The following RSPH14 variants were observed in gnomAD, a reference collection of about 807,000 sequenced individuals.
RSPH14 encodes the protein radial spoke head 14 homolog.
Under a neutral mutation model 26.7 loss-of-function variants are expected in RSPH14, and 20 were observed. The observed-to-expected ratio is 0.75, with a 90% CI of 0.53 to 1.09. The LOEUF (loss-of-function observed/expected upper bound fraction) is 1.09, where lower values mean the gene tolerates loss of function less well. Ranked by LOEUF, RSPH14 falls within the 50% of genes least tolerant of loss-of-function variation. The probability of loss-of-function intolerance (pLI) is 0.00; values close to 1 mark genes in which losing one functional copy is unlikely to be tolerated. For missense variants in RSPH14, 449 were observed against 457.2 expected, an observed-to-expected ratio of 0.98 and a Z score of 0.16; for synonymous variants, 177 against 189.3, an observed-to-expected ratio of 0.93 and a Z score of 0.53.
intron 4 of RSPH14, among the ~76,000 whole-genome samples, chr22:23,106,902 C>T (rs532166496): frequency 6.6e-6 from 1 of 152,318 alleles, no homozygotes; most frequent in East Asian, 1.9e-4. Flanking sequence ...CCACCCTTGC[C>T]ATTACTACGG....
chr22:23,070,440 G>A (rs1196612689), intron 4 of RSPH14: 1 of 148,234 alleles, frequency 6.7e-6, no homozygotes, highest in Non-Finnish European at 1.5e-5. Flanking sequence ...CCGCGGTCCG[G>A]TCACGTCCCC....
upstream of RSPH14, chr22:23,145,865 C>A (rs2070741345): frequency 1.7e-6 from 1 of 576,884 alleles, no homozygotes; most frequent in Non-Finnish European, 2.2e-6. Flanking sequence ...CTCGAGGAGT[C>A]AGAGGCCTGG....
intron 4 of RSPH14, chr22:23,122,386 C>T (rs568114532): frequency 6.5e-6 from 1 of 153,090 alleles, no homozygotes; most frequent in South Asian, 2.1e-4. Flanking sequence ...TCCAGGATGC[C>T]AGGGTCCTGC....
At chr22:23,113,615 T>C (rs2069722752) in intron 4 of RSPH14, among the ~76,000 whole-genome samples, 1 of 152,242 alleles carries the variant, frequency 6.6e-6, no homozygotes, top group Non-Finnish European at 1.5e-5. Context: ...GTGCCTTCCC[T>C]GTTCCACAGC....
intron 4 of RSPH14, among the ~76,000 whole-genome samples, chr22:23,116,143 G>A (rs548608271): frequency 1.3e-5 from 2 of 152,382 alleles, no homozygotes; most frequent in African/African-American, 4.8e-5. Flanking sequence ...GCCTTGCTTC[G>A]TGAAGCTGCC....
At chr22:23,066,572 C>T (rs777098667) in intron 4 of RSPH14, among the ~76,000 whole-genome samples, 2 of 152,102 alleles carry the variant, frequency 1.3e-5, no homozygotes, top group Admixed American at 6.5e-5. Context: ...AAACGCGTGC[C>T]GGGTGTGCCT....
chr22:23,167,359 C>T, the RSPH14 span, among the ~76,000 whole-genome samples: 91 of 152,338 alleles, frequency 6.0e-4, no homozygotes, highest in African/African-American at 2.1e-3. Flanking sequence ...CTGTCCTTCC[C>T]AGCCCAGCAG....
chr22:23,177,557 C>T, the RSPH14 span, among the ~76,000 whole-genome samples: 16 of 152,108 alleles, frequency 1.1e-4, no homozygotes, highest in African/African-American at 3.6e-4. Context: ...ACCCCATGCC[C>T]ATGCCCATGC....
intron 4 of RSPH14, among the ~76,000 whole-genome samples, chr22:23,100,397 G>A (rs1418950585): frequency 6.6e-6 from 1 of 152,266 alleles, no homozygotes; most frequent in Admixed American, 6.5e-5. Flanking sequence ...GAGGCCTGGT[G>A]TCTCTGCCAC....
chr22:23,101,422 C>T (rs1240121728), intron 4 of RSPH14, among the ~76,000 whole-genome samples: 1 of 152,194 alleles, frequency 6.6e-6, no homozygotes, highest in Non-Finnish European at 1.5e-5. Context: ...AGCCTTCCCT[C>T]AGGAGAGTGG....
At chr22:23,137,882 C>T (rs2070510915) in intron 3 of RSPH14, 2 of 160,446 alleles carry the variant, frequency 1.2e-5, no homozygotes, top group Non-Finnish European at 1.4e-5. Flanking sequence ...GTTTCTAATA[C>T]AAAGTAAAAC....
At chr22:23,160,830 G>C in the RSPH14 span, 1 of 1,588,064 alleles carries the variant, frequency 6.3e-7, no homozygotes, top group African/African-American at 1.3e-5. Flanking sequence ...ATGCATTAAG[G>C]GGCAAGGAGA....
At chr22:23,170,080 G>A in the RSPH14 span, among the ~76,000 whole-genome samples, 4 of 128,302 alleles carry the variant, frequency 3.1e-5, no homozygotes, top group Non-Finnish European at 1.6e-5. Flanking sequence ...CTAAGCAACT[G>A]AACAAGACCC....
chr22:23,119,154 G>A (rs932020408), intron 4 of RSPH14, among the ~76,000 whole-genome samples: 24 of 152,198 alleles, frequency 1.6e-4, no homozygotes, highest in Non-Finnish European at 2.4e-4. Flanking sequence ...TCAGGATGCC[G>A]CTTTGCCCAC....
intron 4 of RSPH14, among the ~76,000 whole-genome samples, chr22:23,087,424 C>T (rs2146291090): frequency 6.6e-6 from 1 of 152,254 alleles, no homozygotes; most frequent in African/African-American, 2.4e-5. Flanking sequence ...TGATGGTGCA[C>T]TGCAGCTGGG....
At chr22:23,116,390 G>A (rs13054985) in intron 4 of RSPH14, among the ~76,000 whole-genome samples, 70,892 of 152,248 alleles carry the variant, frequency 0.47, 17,593 homozygotes, top group Middle Eastern at 0.57. Flanking sequence ...ACGCGCCTGT[G>A]ACAGGGCACC....
chr22:23,160,906 G>A, the RSPH14 span: 36 of 1,613,738 alleles, frequency 2.2e-5, no homozygotes, highest in Non-Finnish European at 2.6e-5. Flanking sequence ...TTCTTCAGCC[G>A]CGTAGCCGCC....
At chr22:23,159,623 C>T in the RSPH14 span, among the ~76,000 whole-genome samples, 2 of 152,208 alleles carry the variant, frequency 1.3e-5, no homozygotes, top group Non-Finnish European at 1.5e-5. Flanking sequence ...CTTCCAGGGC[C>T]ACAGGGTGGC....
intron 4 of RSPH14, among the ~76,000 whole-genome samples, chr22:23,073,151 C>T (rs1238957519): frequency 6.6e-6 from 1 of 152,244 alleles, no homozygotes; most frequent in Non-Finnish European, 1.5e-5. Flanking sequence ...GGCAAAGGCA[C>T]TCTCACTGCT....
Sources: allele counts gnomAD v4.1 joint callset (sites outside exome capture counted in the v4.1 genomes callset), GRCh38; gene constraint gnomAD v4.1.1; transcripts MANE v1.5; gene names NCBI Gene and HGNC (gene_info 2026-07-23, HGNC 2026-07-21).